TCERG1L: variants seen among roughly 807,000 people sequenced by gnomAD.
TCERG1L encodes the protein transcription elongation regulator 1 like.
Under a neutral mutation model 56.3 loss-of-function variants are expected in TCERG1L, and 37 were observed. That is an observed-to-expected ratio of 0.66 (90% CI 0.51 to 0.87). The LOEUF (loss-of-function observed/expected upper bound fraction) is 0.87. Ranked by LOEUF, TCERG1L falls within the 40% of genes least tolerant of loss-of-function variation. TCERG1L has a pLI of 0.00. For missense variants in TCERG1L, 799 were observed against 774.2 expected, an observed-to-expected ratio of 1.03 and a Z score of -0.38; for synonymous variants, 324 against 326.3, an observed-to-expected ratio of 0.99 and a Z score of 0.08.
intron 4 of TCERG1L, among the ~76,000 whole-genome samples, chr10:131,174,978 C>A (rs1564807579): frequency 6.6e-6 from 1 of 152,186 alleles, no homozygotes; most frequent in Non-Finnish European, 1.5e-5. Context: ...GACCCCACCC[C>A]CGCAATTGGT....
At chr10:131,236,657 G>A (rs990117990) in intron 4 of TCERG1L, among the ~76,000 whole-genome samples, 5 of 152,194 alleles carry the variant, frequency 3.3e-5, no homozygotes, top group African/African-American at 1.2e-4. Flanking sequence ...CTTATTATCA[G>A]CTCTCTCCCT....
chr10:131,249,269 A>G (rs1292109422), intron 4 of TCERG1L, among the ~76,000 whole-genome samples: 2 of 152,252 alleles, frequency 1.3e-5, no homozygotes, highest in Admixed American at 6.5e-5. Context: ...AGCAGAGGCA[A>G]TATCACTGTT....
intron 3 of TCERG1L, among the ~76,000 whole-genome samples, chr10:131,295,156 G>C (rs896325544): frequency 7.9e-5 from 12 of 152,202 alleles, no homozygotes; most frequent in African/African-American, 2.9e-4. Context: ...CATGTAAGAA[G>C]TGTGTTCCTT....
intron 3 of TCERG1L, among the ~76,000 whole-genome samples, chr10:131,264,326 T>C (rs950920415): frequency 2.0e-5 from 3 of 152,118 alleles, no homozygotes; most frequent in African/African-American, 7.2e-5. Flanking sequence ...GCCCAAGCTG[T>C]GGGCTCCTGG....
intron 4 of TCERG1L, among the ~76,000 whole-genome samples, chr10:131,183,694 C>G (rs967933459): frequency 6.6e-6 from 1 of 152,202 alleles, no homozygotes; most frequent in Non-Finnish European, 1.5e-5. Context: ...GCCACTGACT[C>G]CCCCCTCATC....
chr10:131,106,115 C>G (rs11017720), intron 9 of TCERG1L, among the ~76,000 whole-genome samples: 12,592 of 152,286 alleles, frequency 0.083, 560 homozygotes, highest in Middle Eastern at 0.11. Flanking sequence ...TGCTTCTAGA[C>G]TCTCTCAGCT....
chr10:131,168,299 C>T (rs1306376031), intron 4 of TCERG1L, among the ~76,000 whole-genome samples: 1 of 152,194 alleles, frequency 6.6e-6, no homozygotes, highest in African/African-American at 2.4e-5. Context: ...AGCCTTTCTT[C>T]CTTGCCCCAC....
chr10:131,124,320 G>A (rs1845543378), intron 8 of TCERG1L, among the ~76,000 whole-genome samples: 1 of 152,130 alleles, frequency 6.6e-6, no homozygotes, highest in South Asian at 2.1e-4. Context: ...AAGGTTCCAG[G>A]GTCTCTAGCC....
intron 3 of TCERG1L, among the ~76,000 whole-genome samples, chr10:131,296,992 C>T (rs1295992778): frequency 2.0e-5 from 3 of 152,190 alleles, no homozygotes; most frequent in African/African-American, 7.2e-5. Context: ...TTGGTAGACT[C>T]TTTGAGATAG....
intron 9 of TCERG1L, among the ~76,000 whole-genome samples, chr10:131,106,687 T>C (rs1845354401): frequency 1.3e-5 from 2 of 152,064 alleles, no homozygotes; most frequent in Admixed American, 6.5e-5. Context: ...AAGGCCACCC[T>C]GGGATCCGGG....
At chr10:131,177,336 G>A (rs1845113526) in intron 4 of TCERG1L, among the ~76,000 whole-genome samples, 1 of 152,260 alleles carries the variant, frequency 6.6e-6, no homozygotes, top group Non-Finnish European at 1.5e-5. Flanking sequence ...AGCGGATAAA[G>A]GCATTGCTCA....
chr10:131,186,434 C>A (rs989840511), intron 4 of TCERG1L, among the ~76,000 whole-genome samples: 11 of 152,158 alleles, frequency 7.2e-5, no homozygotes, highest in African/African-American at 2.7e-4. Flanking sequence ...GGAAGTTGAA[C>A]ACCCAACTCA....
At chr10:131,109,101 C>A (rs1246052097) in intron 9 of TCERG1L, among the ~76,000 whole-genome samples, 2 of 152,116 alleles carry the variant, frequency 1.3e-5, no homozygotes, top group Non-Finnish European at 2.9e-5. Flanking sequence ...GTGCTTAGAA[C>A]CCCATCTGCC....
At chr10:131,198,633 C>T (rs1431221802) in intron 4 of TCERG1L, among the ~76,000 whole-genome samples, 1 of 152,240 alleles carries the variant, frequency 6.6e-6, no homozygotes, top group Non-Finnish European at 1.5e-5. Context: ...GGCCCCACAG[C>T]TGCTCTCCCA....
At chr10:131,152,077 C>T (rs1171999874) in intron 6 of TCERG1L, among the ~76,000 whole-genome samples, 3 of 152,228 alleles carry the variant, frequency 2.0e-5, no homozygotes, top group Non-Finnish European at 2.9e-5. Context: ...CCATGAAGCT[C>T]TCTGACATAC....
chr10:131,256,034 G>A (rs1275947063), intron 4 of TCERG1L, among the ~76,000 whole-genome samples: 4 of 152,148 alleles, frequency 2.6e-5, no homozygotes, highest in African/African-American at 4.8e-5. Context: ...CGTGTTTCCC[G>A]CACACGCCAG....
intron 3 of TCERG1L, among the ~76,000 whole-genome samples, chr10:131,301,625 A>G (rs1410826234): frequency 1.3e-5 from 2 of 152,066 alleles, no homozygotes; most frequent in East Asian, 3.8e-4. Flanking sequence ...CAATGATTTG[A>G]AAACTGAGAA....
At chr10:131,209,057 CAAA>C (rs10677942) in intron 4 of TCERG1L, among the ~76,000 whole-genome samples, 4 of 127,728 alleles carry the variant, frequency 3.1e-5, no homozygotes, top group African/African-American at 3.1e-5. Context: ...GACTCTGTCT[CAAA>C]AAAAAAAAAA....
intron 4 of TCERG1L, among the ~76,000 whole-genome samples, chr10:131,256,992 G>GAAAGAAGGAAAGAAAGAAA (rs1846172871): frequency 3.4e-4 from 20 of 59,210 alleles, no homozygotes; most frequent in African/African-American, 1.0e-3. Context: ...AAGGAAGGAA[G>GAAAGAAGGAAAGAAAGAAA]GAAAGAAAGA....
Sources: allele counts gnomAD v4.1 joint callset (sites outside exome capture counted in the v4.1 genomes callset), GRCh38; gene constraint gnomAD v4.1.1; transcripts MANE v1.5; gene names NCBI Gene and HGNC (gene_info 2026-07-23, HGNC 2026-07-21).